AGMO: variants seen among roughly 807,000 people sequenced by gnomAD.
AGMO encodes alkylglycerol monooxygenase, also known as glyceryl-ether monooxygenase.
In AGMO, 75 loss-of-function variants were observed where a neutral mutation model predicts 60.2. The ratio of observed to expected loss-of-function variants is 1.25; its 90% CI spans 1.03 to 1.51. The LOEUF (loss-of-function observed/expected upper bound fraction) is 1.51. AGMO is among the 40% of genes most tolerant of loss of function. The pLI is 0.00. For missense variants in AGMO, 763 were observed against 525.5 expected, an observed-to-expected ratio of 1.45 and a Z score of -4.42; for synonymous variants, 261 against 177.1, an observed-to-expected ratio of 1.47 and a Z score of -3.76.
Position 15,366,590 on chromosome 7 carries a change from T to G in AGMO, c.1075-368A>C, listed in dbSNP as rs116098971. On this transcript the variant is annotated intron_variant, in intron 10 of 12. Transcript: ENST00000342526. ...GTATTCTAATTAGCCATTTTTAGTA[T>G]AACAAAATCTTTGTGGTTTCAAATG... Among the ~76,000 whole-genome samples, 1,265 of 152,174 alleles carry G rather than the reference T, an allele frequency of 8.3e-3. 18 individuals carry two copies. Among genetic ancestry groups the G allele is most frequent in the African/African-American group, 0.029 (1,198 of 41,544 alleles).
chr7:15,164,520 A>C, the AGMO span, among the ~76,000 whole-genome samples: 1 of 152,114 alleles, frequency 6.6e-6, no homozygotes, highest in African/African-American at 2.4e-5. Flanking sequence ...TAAATAACTC[A>C]AAAAACTCCA....
the AGMO span, among the ~76,000 whole-genome samples, chr7:15,132,682 G>T: frequency 6.6e-6 from 1 of 152,314 alleles, no homozygotes; most frequent in East Asian, 1.9e-4. Context: ...GATCGTGGCT[G>T]AAGATCAACT....
intron 12 of AGMO, among the ~76,000 whole-genome samples, chr7:15,276,568 T>G (rs1783794897): frequency 6.6e-6 from 1 of 152,186 alleles, no homozygotes; most frequent in African/African-American, 2.4e-5. Flanking sequence ...TTATTGAATC[T>G]GGATGTCTAC....
chr7:15,483,038 CTAA>C (rs1355846985), intron 3 of AGMO, among the ~76,000 whole-genome samples: 1 of 151,874 alleles, frequency 6.6e-6, no homozygotes, highest in Non-Finnish European at 1.5e-5. Context: ...ACCAAAAGTA[CTAA>C]TAAGTACAGT....
At chr7:15,416,933 C>G (rs538382292) in intron 5 of AGMO, among the ~76,000 whole-genome samples, 1 of 152,144 alleles carries the variant, frequency 6.6e-6, no homozygotes, top group Non-Finnish European at 1.5e-5. Flanking sequence ...TTCCATTTGT[C>G]TTTCTCTCCA....
chr7:15,207,050 C>G (rs1781457444), intron 12 of AGMO, among the ~76,000 whole-genome samples: 2 of 152,112 alleles, frequency 1.3e-5, no homozygotes, highest in Non-Finnish European at 2.9e-5. Context: ...AGTGTGCATC[C>G]TTTTGGACAC....
the AGMO span, among the ~76,000 whole-genome samples, chr7:15,178,129 T>C: frequency 6.6e-6 from 1 of 152,142 alleles, no homozygotes; most frequent in African/African-American, 2.4e-5. Flanking sequence ...ACTGCCCTTT[T>C]GGGGGAGTGG....
At chr7:15,384,859 A>G (rs769378437) in intron 10 of AGMO, among the ~76,000 whole-genome samples, 2 of 92,246 alleles carry the variant, frequency 2.2e-5, no homozygotes, top group Non-Finnish European at 4.8e-5. Context: ...ATTTTTATAT[A>G]CGTTATTTTT....
intron 3 of AGMO, among the ~76,000 whole-genome samples, chr7:15,495,246 C>A (rs1239749884): frequency 1.3e-5 from 2 of 152,132 alleles, no homozygotes; most frequent in African/African-American, 4.8e-5. Flanking sequence ...TGGTTGTTCC[C>A]AGAGAGTTGT....
chr7:15,152,887 A>T, the AGMO span, among the ~76,000 whole-genome samples: 3 of 152,178 alleles, frequency 2.0e-5, no homozygotes, highest in Non-Finnish European at 4.4e-5. Flanking sequence ...ATCAAATGAC[A>T]GATCTACTTT....
chr7:15,430,610 A>G (rs1337760323), intron 4 of AGMO, among the ~76,000 whole-genome samples: 5 of 138,244 alleles, frequency 3.6e-5, no homozygotes, highest in Non-Finnish European at 6.4e-5. Flanking sequence ...TTTTAAAAAA[A>G]AAAAACAACT....
At chr7:15,209,261 C>G (rs1253340286) in intron 12 of AGMO, among the ~76,000 whole-genome samples, 1 of 152,156 alleles carries the variant, frequency 6.6e-6, no homozygotes, top group East Asian at 1.9e-4. Context: ...AAACTTCAAT[C>G]TGGAAGAGCA....
At chr7:15,195,723 G>C (rs1029427976), downstream of AGMO, among the ~76,000 whole-genome samples, 1 of 152,076 alleles carries the variant, frequency 6.6e-6, no homozygotes, top group East Asian at 1.9e-4. Context: ...ACTGCTTTTT[G>C]TTAGAAAAGA....
intron 12 of AGMO, among the ~76,000 whole-genome samples, chr7:15,248,210 A>C (rs1361369758): frequency 2.1e-5 from 2 of 96,834 alleles, no homozygotes; most frequent in African/African-American, 9.0e-5. Context: ...ATATATATAT[A>C]TATATATATA....
At chr7:15,365,133 A>G (rs116535792) in intron 12 of AGMO, among the ~76,000 whole-genome samples, 2,854 of 151,920 alleles carry the variant, frequency 0.019, 105 homozygotes, top group African/African-American at 0.066. Context: ...CTTGATTGCA[A>G]TTTTCACCTT....
At chr7:15,222,059 T>G (rs1781940308) in intron 12 of AGMO, among the ~76,000 whole-genome samples, 1 of 152,132 alleles carries the variant, frequency 6.6e-6, no homozygotes, top group South Asian at 2.1e-4. Context: ...CAGTTTTCCT[T>G]TGAAATCTTT....
chr7:15,265,879 T>A (rs973281332), intron 12 of AGMO, among the ~76,000 whole-genome samples: 1 of 152,102 alleles, frequency 6.6e-6, no homozygotes, highest in East Asian at 1.9e-4. Flanking sequence ...ATGGAGTCAG[T>A]GTATGTTCAC....
intron 12 of AGMO, among the ~76,000 whole-genome samples, chr7:15,298,454 G>C (rs997322306): frequency 6.6e-6 from 1 of 152,218 alleles, no homozygotes; most frequent in Non-Finnish European, 1.5e-5. Flanking sequence ...AAGTGCAGTG[G>C]CACAATCATG....
intron 3 of AGMO, 83 bp downstream of exon 3, chr7:15,544,689 T>C: frequency 9.0e-7 from 1 of 1,107,958 alleles, no homozygotes; most frequent in Non-Finnish European, 1.2e-6. Flanking sequence ...TATTTATCCA[T>C]TCAATAAATG....
Sources: allele counts gnomAD v4.1 joint callset (sites outside exome capture counted in the v4.1 genomes callset), GRCh38; gene constraint gnomAD v4.1.1; transcripts MANE v1.5; gene names NCBI Gene and HGNC (gene_info 2026-07-23, HGNC 2026-07-21).